Variants in TEKTL1 observed in about 807,000 individuals in gnomAD.
TEKTL1 encodes tektin like 1.
At chr19:15,016,001 G>T in the TEKTL1 span, among the ~76,000 whole-genome samples, 61 of 151,994 alleles carry the variant, frequency 4.0e-4, no homozygotes, top group African/African-American at 1.4e-3. Flanking sequence ...AATAAGCATT[G>T]GACCTTGAAG....
At chr19:15,011,144 G>A in the TEKTL1 span, 33 of 1,515,694 alleles carry the variant, frequency 2.2e-5, no homozygotes, top group African/African-American at 7.0e-5. Context: ...CGCCTGGTAC[G>A]CCCGCCTGCC....
the TEKTL1 span, chr19:15,010,991 C>G: frequency 6.3e-7 from 1 of 1,591,592 alleles, no homozygotes; most frequent in Non-Finnish European, 8.5e-7. Flanking sequence ...CGTGCTGGAC[C>G]CGAACGTGGC....
the TEKTL1 span, chr19:15,023,086 G>A: frequency 1.2e-6 from 2 of 1,608,024 alleles, no homozygotes; most frequent in East Asian, 2.2e-5. Flanking sequence ...CGCGCACGCC[G>A]CCGCCGCGCA....
At chr19:15,012,139 T>C in the TEKTL1 span, among the ~76,000 whole-genome samples, 9 of 151,532 alleles carry the variant, frequency 5.9e-5, no homozygotes, top group Admixed American at 3.9e-4. Flanking sequence ...CATGCACTTA[T>C]GGTCCCAGCT....
At chr19:15,021,909 G>T in the TEKTL1 span, 15 of 1,613,286 alleles carry the variant, frequency 9.3e-6, no homozygotes, top group Non-Finnish European at 1.3e-5. Flanking sequence ...GAGGCTGCGC[G>T]CCTCGCACAG....
At chr19:15,023,079 G>A in the TEKTL1 span, 2 of 1,608,560 alleles carry the variant, frequency 1.2e-6, no homozygotes, top group Non-Finnish European at 1.7e-6. Flanking sequence ...TGGGACCCGC[G>A]CACGCCGCCG....
the TEKTL1 span, among the ~76,000 whole-genome samples, chr19:15,018,715 A>AATATATATATATAT: frequency 3.3e-3 from 224 of 68,290 alleles, 51 homozygotes; most frequent in Middle Eastern, 8.5e-3. Context: ...CCTATCTCAA[A>AATATATATATATAT]ATATGTATAT....
the TEKTL1 span, chr19:15,011,144 G>T: frequency 2.6e-6 from 4 of 1,515,800 alleles, no homozygotes; most frequent in Admixed American, 6.5e-5. Flanking sequence ...CGCCTGGTAC[G>T]CCCGCCTGCC....
chr19:15,011,270 G>C, the TEKTL1 span: 33 of 1,520,050 alleles, frequency 2.2e-5, no homozygotes, highest in South Asian at 5.0e-5. Context: ...CCAGATTAAC[G>C]GGCGGGTGCG....
the TEKTL1 span, among the ~76,000 whole-genome samples, chr19:15,012,218 C>G: frequency 4.0e-3 from 606 of 151,954 alleles, 2 homozygotes; most frequent in Admixed American, 6.8e-3. Flanking sequence ...TATAATCAGG[C>G]CAACCGCAAA....
At chr19:15,021,920 G>A in the TEKTL1 span, 1 of 1,611,968 alleles carries the variant, frequency 6.2e-7, no homozygotes, top group South Asian at 1.1e-5. Flanking sequence ...CCTCGCACAG[G>A]TAAACCCCCT....
the TEKTL1 span, chr19:15,011,359 C>T: frequency 6.9e-7 from 1 of 1,452,644 alleles, no homozygotes; most frequent in Non-Finnish European, 9.0e-7. Flanking sequence ...ACCAGCAGAG[C>T]GTCAAGCTGC....
the TEKTL1 span, among the ~76,000 whole-genome samples, chr19:15,017,378 A>G: frequency 6.6e-6 from 1 of 152,208 alleles, no homozygotes; most frequent in Non-Finnish European, 1.5e-5. Context: ...AAGGGTGTAT[A>G]TATGTGCAAA....
chr19:15,020,651 A>G, the TEKTL1 span: 6 of 1,612,924 alleles, frequency 3.7e-6, no homozygotes, highest in Non-Finnish European at 5.1e-6. Context: ...GTGGGCACCT[A>G]TAACCCAGGT....
chr19:15,011,354 C>T, the TEKTL1 span: 4 of 1,460,688 alleles, frequency 2.7e-6, no homozygotes, highest in Non-Finnish European at 3.6e-6. Context: ...TATTAACCAG[C>T]AGAGCGTCAA....
the TEKTL1 span, chr19:15,011,088 C>A: frequency 8.7e-5 from 137 of 1,570,350 alleles, no homozygotes; most frequent in East Asian, 2.9e-3. Flanking sequence ...GAGAAGCCGC[C>A]GCCAGGCGAG....
the TEKTL1 span, among the ~76,000 whole-genome samples, chr19:15,019,060 C>A: frequency 6.6e-6 from 1 of 152,184 alleles, no homozygotes; most frequent in South Asian, 2.1e-4. Context: ...GTGACCCCCC[C>A]ACCTCAGCCT....
the TEKTL1 span, chr19:15,021,271 C>T: frequency 3.9e-6 from 6 of 1,548,026 alleles, no homozygotes; most frequent in Admixed American, 9.4e-5. Flanking sequence ...CAGGGCCCAC[C>T]ACCACCTGAG....
the TEKTL1 span, chr19:15,022,020 G>A: frequency 9.8e-6 from 9 of 921,442 alleles, no homozygotes; most frequent in Admixed American, 1.9e-4. Flanking sequence ...TCTCACCCAA[G>A]TCGGCCTGTC....
Sources: allele counts gnomAD v4.1 joint callset (sites outside exome capture counted in the v4.1 genomes callset), GRCh38; gene constraint gnomAD v4.1.1; transcripts MANE v1.5; gene names NCBI Gene and HGNC (gene_info 2026-07-23, HGNC 2026-07-21).